FAT3: variants seen among roughly 807,000 people sequenced by gnomAD.
FAT3 encodes protocadherin Fat 3.
In FAT3, 95 loss-of-function variants were observed where a neutral mutation model predicts 310.2. That is an observed-to-expected ratio of 0.31 (90% CI 0.26 to 0.36). The LOEUF (loss-of-function observed/expected upper bound fraction) is 0.36. Ranked by LOEUF, FAT3 falls within the 10% of genes least tolerant of loss-of-function variation. The pLI is 1.00. For missense variants in FAT3, 5,408 were observed against 5,715.6 expected, an observed-to-expected ratio of 0.95 and a Z score of 1.74; for synonymous variants, 2,314 against 2,192.9, an observed-to-expected ratio of 1.06 and a Z score of -1.54.
At chr11:92,233,080 A>G (rs1175243629) in intron 1 of FAT3, among the ~76,000 whole-genome samples, 3 of 152,102 alleles carry the variant, frequency 2.0e-5, no homozygotes, top group Non-Finnish European at 4.4e-5. Context: ...TTTGAACTGC[A>G]TTTGATGATT....
At chr11:92,729,958 G>A (rs1387428311) in intron 4 of FAT3, among the ~76,000 whole-genome samples, 1 of 152,086 alleles carries the variant, frequency 6.6e-6, no homozygotes, top group Non-Finnish European at 1.5e-5. Context: ...TCTGGGTAAT[G>A]GGATCATGAG....
chr11:92,558,489 A>C (rs2135461068), intron 3 of FAT3, among the ~76,000 whole-genome samples: 1 of 151,900 alleles, frequency 6.6e-6, no homozygotes, highest in East Asian at 1.9e-4. Context: ...GGTTATTTCT[A>C]GTAGGAAATA....
At chr11:92,389,400 C>T (rs1265088370) in intron 2 of FAT3, among the ~76,000 whole-genome samples, 1 of 152,134 alleles carries the variant, frequency 6.6e-6, no homozygotes, top group Admixed American at 6.5e-5. Flanking sequence ...TATTCATAAA[C>T]ACCTTGACTT....
chr11:92,234,607 A>G (rs527452483), intron 1 of FAT3, among the ~76,000 whole-genome samples: 11 of 152,138 alleles, frequency 7.2e-5, no homozygotes, highest in Non-Finnish European at 1.3e-4. Flanking sequence ...CGTCTCTACT[A>G]AAAAATACAA....
chr11:92,654,649 C>G (rs1942512708), intron 3 of FAT3, among the ~76,000 whole-genome samples: 1 of 152,176 alleles, frequency 6.6e-6, no homozygotes, highest in Non-Finnish European at 1.5e-5. Context: ...ATTGGCCTGT[C>G]CCTAACCCAA....
chr11:92,336,043 C>G, intron 1 of FAT3: 1 of 498,314 alleles, frequency 2.0e-6, no homozygotes, highest in East Asian at 5.6e-5. Context: ...CAGTTCTCAT[C>G]CTCTGGCAAC....
chr11:92,616,697 G>A (rs1940827210), intron 3 of FAT3, among the ~76,000 whole-genome samples: 1 of 152,098 alleles, frequency 6.6e-6, no homozygotes, highest in Non-Finnish European at 1.5e-5. Flanking sequence ...CTCAGCATTT[G>A]TTTTTCTGTA....
At chr11:92,752,631 G>T (rs1945859059) in intron 4 of FAT3, among the ~76,000 whole-genome samples, 1 of 152,158 alleles carries the variant, frequency 6.6e-6, no homozygotes, top group Non-Finnish European at 1.5e-5. Context: ...ACCTGCAAAA[G>T]GAAACCACAC....
chr11:92,669,461 G>A (rs765917318), intron 3 of FAT3, among the ~76,000 whole-genome samples: 1 of 152,146 alleles, frequency 6.6e-6, no homozygotes, highest in Non-Finnish European at 1.5e-5. Context: ...TGTGCATTGC[G>A]TTTATGCCTT....
chr11:92,833,674 A>G (rs1948325084), intron 14 of FAT3, among the ~76,000 whole-genome samples: 2 of 152,190 alleles, frequency 1.3e-5, no homozygotes, highest in Admixed American at 1.3e-4. Flanking sequence ...TGATGGAGGA[A>G]TTGCATCACA....
chr11:92,608,355 G>A (rs544085072), intron 3 of FAT3, among the ~76,000 whole-genome samples: 5 of 151,974 alleles, frequency 3.3e-5, no homozygotes, highest in African/African-American at 7.3e-5. Flanking sequence ...TTTACTTTTC[G>A]TTTTCAACTC....
intron 1 of FAT3, among the ~76,000 whole-genome samples, chr11:92,255,298 T>C (rs968176884): frequency 2.0e-5 from 3 of 151,508 alleles, no homozygotes; most frequent in African/African-American, 7.3e-5. Flanking sequence ...AGTTTAAAAA[T>C]GTTTTAATTA....
chr11:92,800,912 A>G lies in FAT3; in HGVS notation c.7899A>G (p.Ser2633=), dbSNP rs746901937. Reference sequence around the variant, plus strand: ...TAGATCCCGATGATGGAGCAAATTCAAGGATTACTTATTCCCTCTATAGCG... The same window carrying G: ...TAGATCCCGATGATGGAGCAAATTCGAGGATTACTTATTCCCTCTATAGCG... ...QAIDPDDGAN[S]RITYSLYSEA... is the part of the protein sequence containing the mutation. Residue 2633 remains serine, a synonymous_variant, in exon 10 of 28, where the codon TCA becomes TCG. Coordinates refer to ENST00000525166, the MANE Select transcript of FAT3 (RefSeq NM_001367949.2). 12 of 1,612,900 alleles carry G rather than the reference A, an allele frequency of 7.4e-6. 1 individual carries two copies. In the South Asian group the frequency reaches 1.3e-4, roughly 18 times the overall value.
chr11:92,555,848 T>G (rs911505945), intron 3 of FAT3, among the ~76,000 whole-genome samples: 2 of 152,222 alleles, frequency 1.3e-5, no homozygotes, highest in African/African-American at 4.8e-5. Flanking sequence ...GACCTTACAT[T>G]ATGTCGTTCC....
rs1029688024 is a variant in FAT3 at position 92,895,246 on chromosome 11, G to C, written c.*4133G>C. 1 of 152,210 alleles carries C rather than the reference G, an allele frequency of 6.6e-6. No homozygotes were observed. Among genetic ancestry groups the C allele is most frequent in the African/African-American group, 2.4e-5 (1 of 41,452 alleles). 9.4% of individuals were successfully genotyped at this position (152,210 alleles called of 1,614,324 possible). On this transcript the variant is annotated 3_prime_UTR_variant, in exon 28 of 28. Coordinates refer to ENST00000525166, the MANE Select transcript of FAT3 (RefSeq NM_001367949.2). ...ATCATTTTGTGTGCTCTGTGAGAAG[G>C]TGGTTATATGTTTTTGCTGGTTTGT...
At chr11:92,669,312 T>G (rs1160001745) in intron 3 of FAT3, among the ~76,000 whole-genome samples, 2 of 152,224 alleles carry the variant, frequency 1.3e-5, no homozygotes, top group Non-Finnish European at 2.9e-5. Flanking sequence ...AGTCCCTTAA[T>G]GCATGTAGAG....
chr11:92,533,715 T>C (rs1227299662), intron 3 of FAT3, among the ~76,000 whole-genome samples: 12 of 152,134 alleles, frequency 7.9e-5, no homozygotes, highest in Admixed American at 7.9e-4. Flanking sequence ...TTCCAAGAGC[T>C]ATAGTTCATT....
chr11:92,529,013 C>T lies in FAT3; in HGVS notation c.3607+4065C>T, dbSNP rs181557430. Among the ~76,000 whole-genome samples the T allele has an allele frequency of 3.9e-5, 6 of 152,322 alleles. No individual in the cohort carries two copies. The East Asian group carries it at 1.2e-3, about 29-fold the overall frequency. On this transcript the variant is annotated intron_variant, in intron 3 of 27. Coordinates refer to ENST00000525166, the MANE Select transcript of FAT3 (RefSeq NM_001367949.2). ...TTGCCTTAGCAATTGCTAGGTAGCA[C>T]TGAAATCTTCAACTCAGTTTTATGA...
intron 2 of FAT3, among the ~76,000 whole-genome samples, chr11:92,447,485 A>C (rs1191697216): frequency 6.6e-6 from 1 of 152,132 alleles, no homozygotes; most frequent in East Asian, 1.9e-4. Flanking sequence ...AATGTGTAGT[A>C]AGAGCTAAGC....
Sources: allele counts gnomAD v4.1 joint callset (sites outside exome capture counted in the v4.1 genomes callset), GRCh38; gene constraint gnomAD v4.1.1; transcripts MANE v1.5; gene names NCBI Gene and HGNC (gene_info 2026-07-23, HGNC 2026-07-21).